Variants in SPOCK1 observed in about 807,000 individuals in gnomAD.
SPOCK1 encodes the protein testican-1.
A neutral mutation model predicts 55.3 loss-of-function variants in SPOCK1; 23 were observed. The observed-to-expected ratio is 0.42, with a 90% CI of 0.30 to 0.59. The LOEUF is 0.59. SPOCK1 is among the 20% of genes least tolerant of loss of function. SPOCK1 has a pLI of 0.22. For synonymous variants in SPOCK1, 226 were observed against 221.0 expected (o/e 1.02, Z -0.20); for missense variants, 499 against 552.5 (o/e 0.90, Z 0.97).
At chr5:137,055,520 A>G (rs541080102) in intron 6 of SPOCK1, among the ~76,000 whole-genome samples, 1 of 152,192 alleles carries the variant, frequency 6.6e-6, no homozygotes, top group Non-Finnish European at 1.5e-5. Flanking sequence ...GCACAATGGT[A>G]ATCAGATATT....
chr5:137,216,278 G>A (rs1480903379), intron 3 of SPOCK1, among the ~76,000 whole-genome samples: 1 of 152,178 alleles, frequency 6.6e-6, no homozygotes, highest in Admixed American at 6.5e-5. Flanking sequence ...TGGGCACAAA[G>A]AAAGCATGCA....
chr5:137,007,959 TA>T (rs1481110203), intron 6 of SPOCK1, among the ~76,000 whole-genome samples: 6 of 151,676 alleles, frequency 4.0e-5, no homozygotes, highest in East Asian at 1.9e-4. Flanking sequence ...TATGCAGCCA[TA>T]AAAAAAGGAT....
chr5:137,338,803 C>T (rs997958288), intron 2 of SPOCK1, among the ~76,000 whole-genome samples: 26 of 152,122 alleles, frequency 1.7e-4, no homozygotes, highest in African/African-American at 5.8e-4. Context: ...GTTTTTTGGC[C>T]GCATAAATGT....
intron 6 of SPOCK1, among the ~76,000 whole-genome samples, chr5:137,051,179 A>T (rs1580726062): frequency 6.6e-6 from 1 of 152,346 alleles, no homozygotes; most frequent in South Asian, 2.1e-4. Context: ...TAAAACACAC[A>T]CACAAAATAC....
At chr5:137,438,445 TG>T (rs1227512826) in intron 2 of SPOCK1, among the ~76,000 whole-genome samples, 4 of 152,126 alleles carry the variant, frequency 2.6e-5, no homozygotes, top group African/African-American at 9.7e-5. Flanking sequence ...AGGCAGCTCC[TG>T]GGTACACCTC....
At position 137,172,420 on chromosome 5, in the gene SPOCK1, A is replaced by G. The variant is rs932136573; in HGVS notation, c.233-31726T>C. On this transcript the variant is annotated intron_variant, in intron 3 of 10. Transcript: ENST00000394945. ...GAAAGAGTCACAATGTTTCCAATCTATCTCAGTTGCCATGTAGAAAAACCA... is the reference window on the plus strand; with the variant it reads ...GAAAGAGTCACAATGTTTCCAATCTGTCTCAGTTGCCATGTAGAAAAACCA... Among the ~76,000 whole-genome samples the G allele has an allele frequency of 1.7e-4, 26 of 152,306 alleles. 1 individual carries two copies. Among genetic ancestry groups the G allele is most frequent in the Admixed American group, 1.4e-3 (21 of 15,294 alleles).
At chr5:137,139,355 C>T (rs1754048406) in intron 4 of SPOCK1, among the ~76,000 whole-genome samples, 1 of 152,150 alleles carries the variant, frequency 6.6e-6, no homozygotes, top group Admixed American at 6.5e-5. Flanking sequence ...CACCATTTCT[C>T]TGCCAGACCA....
chr5:137,155,405 A>G (rs1754397004), intron 3 of SPOCK1, among the ~76,000 whole-genome samples: 1 of 152,188 alleles, frequency 6.6e-6, no homozygotes, highest in Admixed American at 6.5e-5. Flanking sequence ...AACTCCAGAA[A>G]TCAGAAGGCT....
chr5:137,204,560 C>T (rs1466361000), intron 3 of SPOCK1, among the ~76,000 whole-genome samples: 2 of 152,056 alleles, frequency 1.3e-5, no homozygotes, highest in African/African-American at 4.8e-5. Context: ...CAGCCCATCA[C>T]CCTGTACCAT....
rs750296583 is a variant in SPOCK1, at chr5:136,992,490, G to A, written c.700C>T (p.Gln234Ter). 1 of 1,611,236 alleles carries A rather than the reference G, an allele frequency of 6.2e-7. No homozygotes were observed. The highest frequency in any genetic ancestry group is 8.5e-7 in the Non-Finnish European group (1 of 1,178,410). The change falls in exon 7 of 11, where the codon CAA becomes TAA. Residue 234 changes from glutamine to a stop codon, truncating the protein, a stop_gained. Transcript: ENST00000394945. LOFTEE classifies it high-confidence loss of function. ...ATATTTAAAATGGTCTTACTGCCTT[G>A]GGCTGTGTTGGAGCTGGTGGGCTTG... ...VIKPTSSNTA[Q>*]GRFDTSILPI...
At chr5:137,464,413 A>T (rs1753556460) in intron 2 of SPOCK1, among the ~76,000 whole-genome samples, 1 of 152,216 alleles carries the variant, frequency 6.6e-6, no homozygotes, top group African/African-American at 2.4e-5. Context: ...TGTACCCCAC[A>T]AACATATACA....
intron 2 of SPOCK1, among the ~76,000 whole-genome samples, chr5:137,420,774 G>A (rs1752471621): frequency 6.6e-6 from 1 of 152,022 alleles, no homozygotes. Flanking sequence ...TTTTTTGAAG[G>A]GTTTTTTGTG....
intron 3 of SPOCK1, among the ~76,000 whole-genome samples, chr5:137,216,840 G>A (rs1453299530): frequency 6.6e-6 from 1 of 152,198 alleles, no homozygotes; most frequent in Non-Finnish European, 1.5e-5. Flanking sequence ...ACCATCACTC[G>A]GAAAGGCATA....
At chr5:137,296,839 T>C (rs1042286513) in intron 2 of SPOCK1, among the ~76,000 whole-genome samples, 2 of 152,138 alleles carry the variant, frequency 1.3e-5, no homozygotes, top group African/African-American at 4.8e-5. Context: ...ATGTATGGAA[T>C]AGCAGAGACC....
intron 5 of SPOCK1, among the ~76,000 whole-genome samples, chr5:137,073,866 T>A (rs1311314347): frequency 6.6e-6 from 1 of 152,200 alleles, no homozygotes; most frequent in Non-Finnish European, 1.5e-5. Context: ...CCTTATAGTG[T>A]TATTATTACA....
chr5:137,419,890 G>A (rs1435893189), intron 2 of SPOCK1, among the ~76,000 whole-genome samples: 2 of 152,178 alleles, frequency 1.3e-5, no homozygotes, highest in African/African-American at 2.4e-5. Flanking sequence ...AGTTTTCAAA[G>A]GGAATGTTTC....
intron 2 of SPOCK1, among the ~76,000 whole-genome samples, chr5:137,344,599 G>C (rs1361162451): frequency 1.3e-5 from 2 of 152,228 alleles, no homozygotes; most frequent in African/African-American, 2.4e-5. Flanking sequence ...AGAGGTCAGG[G>C]ATGCTGTTAA....
At chr5:137,397,906 C>G (rs1051031321) in intron 2 of SPOCK1, among the ~76,000 whole-genome samples, 3 of 152,304 alleles carry the variant, frequency 2.0e-5, no homozygotes, top group Non-Finnish European at 4.4e-5. Context: ...TCAGCATATA[C>G]TTGATGCTTA....
chr5:137,071,381 G>C (rs1752613383), intron 5 of SPOCK1, among the ~76,000 whole-genome samples: 1 of 152,132 alleles, frequency 6.6e-6, no homozygotes, highest in South Asian at 2.1e-4. Flanking sequence ...TGGCAGGGGA[G>C]GGGACCATGA....
Sources: allele counts gnomAD v4.1 joint callset (sites outside exome capture counted in the v4.1 genomes callset), GRCh38; gene constraint gnomAD v4.1.1; transcripts MANE v1.5; gene names NCBI Gene and HGNC (gene_info 2026-07-23, HGNC 2026-07-21).